The following NEGR1 variants were observed in gnomAD, a reference collection of about 807,000 sequenced individuals.
NEGR1 encodes the protein IgLON family member 4.
Under a neutral mutation model 40.9 loss-of-function variants are expected in NEGR1, and 10 were observed. The observed-to-expected ratio is 0.24, with a 90% CI of 0.15 to 0.42. NEGR1 has a LOEUF of 0.42. NEGR1 is among the 10% of genes least tolerant of loss of function. The probability of loss-of-function intolerance (pLI) is 1.00; values close to 1 mark genes in which losing one functional copy is unlikely to be tolerated. For synonymous variants in NEGR1, 185 were observed against 166.8 expected (o/e 1.11, Z -0.84); for missense variants, 352 against 438.9 (o/e 0.80, Z 1.77).
intron 2 of NEGR1, among the ~76,000 whole-genome samples, chr1:71,783,925 C>A (rs1467818692): frequency 6.6e-6 from 1 of 151,930 alleles, no homozygotes; most frequent in East Asian, 1.9e-4. Flanking sequence ...TTAAGGAGTC[C>A]ATGTCTAAAG....
At chr1:71,898,660 TG>T (rs138401189) in intron 2 of NEGR1, among the ~76,000 whole-genome samples, 13,309 of 140,072 alleles carry the variant, frequency 0.095, 688 homozygotes, top group Non-Finnish European at 0.13. Context: ...AAAACTGCTT[TG>T]TTTTTTTTTC....
At chr1:71,423,219 A>G (rs555699567) in intron 6 of NEGR1, among the ~76,000 whole-genome samples, 8 of 152,182 alleles carry the variant, frequency 5.3e-5, no homozygotes, top group African/African-American at 1.9e-4. Flanking sequence ...GAAAAATCCC[A>G]TCTCTACAAA....
chr1:72,179,263 C>T (rs1464233154), intron 1 of NEGR1, among the ~76,000 whole-genome samples: 1 of 151,866 alleles, frequency 6.6e-6, no homozygotes, highest in African/African-American at 2.4e-5. Flanking sequence ...ATAGGGTGTC[C>T]TTTCCCCATT....
chr1:71,639,946 T>C (rs755759763), intron 4 of NEGR1, among the ~76,000 whole-genome samples: 9 of 152,076 alleles, frequency 5.9e-5, no homozygotes, highest in Non-Finnish European at 8.8e-5. Flanking sequence ...GTTATACTTT[T>C]TGCAAACAAA....
At chr1:71,803,558 C>T (rs1036429868) in intron 2 of NEGR1, among the ~76,000 whole-genome samples, 5 of 152,040 alleles carry the variant, frequency 3.3e-5, no homozygotes, top group Non-Finnish European at 5.9e-5. Context: ...CTGACATTTC[C>T]GTGGCTCAGG....
intron 6 of NEGR1, among the ~76,000 whole-genome samples, chr1:71,563,841 G>C (rs1389714464): frequency 6.6e-6 from 1 of 151,802 alleles, no homozygotes; most frequent in African/African-American, 2.4e-5. Context: ...TGAAAGTTTG[G>C]GGAACTTGTC....
chr1:71,397,161 G>C lies in NEGR1; in HGVS notation c.*10285C>G, dbSNP rs1470355849. On this transcript the variant is annotated 3_prime_UTR_variant, in exon 7 of 7. Transcript: ENST00000357731. Reference sequence around the variant, plus strand: ...GGGAACTGGAGCAAAGGTGACTCTTGTTATGTTTTAGCAAAGAGATGGGTA... The same window carrying C: ...GGGAACTGGAGCAAAGGTGACTCTTCTTATGTTTTAGCAAAGAGATGGGTA... The C allele has an allele frequency of 6.5e-6, 1 of 153,162 alleles. No individual in the cohort carries two copies. Among genetic ancestry groups the C allele is most frequent in the East Asian group, 1.9e-4 (1 of 5,246 alleles). 9.5% of individuals were successfully genotyped at this position (153,162 alleles called of 1,614,324 possible).
chr1:72,002,384 C>A (rs922568004), intron 1 of NEGR1, among the ~76,000 whole-genome samples: 1 of 151,964 alleles, frequency 6.6e-6, no homozygotes, highest in African/African-American at 2.4e-5. Flanking sequence ...TTTTCATTCT[C>A]GCATTGAATT....
chr1:71,722,404 C>T (rs1219374175), intron 3 of NEGR1, among the ~76,000 whole-genome samples: 1 of 151,862 alleles, frequency 6.6e-6, no homozygotes, highest in Non-Finnish European at 1.5e-5. Context: ...AATTACATAG[C>T]ATTAAAGGAT....
chr1:71,852,980 T>C (rs1659654444), intron 2 of NEGR1, among the ~76,000 whole-genome samples: 1 of 152,066 alleles, frequency 6.6e-6, no homozygotes, highest in Non-Finnish European at 1.5e-5. Context: ...TTTCAATGTG[T>C]GGTATAACGA....
At chr1:72,072,299 T>C (rs1383526281) in intron 1 of NEGR1, among the ~76,000 whole-genome samples, 1 of 152,134 alleles carries the variant, frequency 6.6e-6, no homozygotes, top group Non-Finnish European at 1.5e-5. Flanking sequence ...TTGAATATGG[T>C]GAGTACTGGA....
intron 6 of NEGR1, among the ~76,000 whole-genome samples, chr1:71,447,300 T>C (rs1646589468): frequency 2.0e-5 from 3 of 152,148 alleles, no homozygotes; most frequent in Non-Finnish European, 2.9e-5. Flanking sequence ...CCAAAAAAAA[T>C]TGGGGACCCT....
intron 6 of NEGR1, among the ~76,000 whole-genome samples, chr1:71,529,558 G>A (rs1008859143): frequency 3.3e-5 from 5 of 151,114 alleles, no homozygotes; most frequent in African/African-American, 1.2e-4. Flanking sequence ...TAAAATAAAA[G>A]TCCAACATAA....
At chr1:71,725,773 C>G (rs971339631) in intron 3 of NEGR1, among the ~76,000 whole-genome samples, 2 of 152,056 alleles carry the variant, frequency 1.3e-5, no homozygotes, top group African/African-American at 4.8e-5. Flanking sequence ...GTTTGATACA[C>G]ACTTGGATTA....
chr1:72,189,789 T>A (rs1190281790), intron 1 of NEGR1, among the ~76,000 whole-genome samples: 2 of 151,536 alleles, frequency 1.3e-5, no homozygotes, highest in Non-Finnish European at 3.0e-5. Context: ...ATAAGACAAC[T>A]GGTATTATAT....
At chr1:71,622,478 A>C (rs909871854) in intron 4 of NEGR1, among the ~76,000 whole-genome samples, 2 of 151,958 alleles carry the variant, frequency 1.3e-5, no homozygotes, top group African/African-American at 4.8e-5. Flanking sequence ...AATCTTCAAA[A>C]AATGAAGATT....
At chr1:71,925,133 G>A (rs946018807) in intron 2 of NEGR1, among the ~76,000 whole-genome samples, 1 of 152,180 alleles carries the variant, frequency 6.6e-6, no homozygotes, top group Non-Finnish European at 1.5e-5. Context: ...AAGTTGACTT[G>A]AGATCTTTCT....
intron 2 of NEGR1, among the ~76,000 whole-genome samples, chr1:71,932,045 GGCTCCAA>G (rs1305629544): frequency 1.3e-5 from 2 of 151,890 alleles, no homozygotes; most frequent in Non-Finnish European, 2.9e-5. Context: ...TTTAAAGCCA[GGCTCCAA>G]ATTATCACAT....
At chr1:71,996,214 A>T (rs560041899) in intron 1 of NEGR1, among the ~76,000 whole-genome samples, 2 of 152,296 alleles carry the variant, frequency 1.3e-5, no homozygotes, top group East Asian at 3.9e-4. Context: ...CAATTTGCTC[A>T]TACTTTTTAG....
Sources: gnomAD v4.1 joint callset for allele counts (sites outside exome capture counted in the v4.1 genomes callset) on GRCh38, gnomAD v4.1.1 for gene constraint, MANE v1.5 for transcripts, NCBI Gene and HGNC (gene_info 2026-07-23, HGNC 2026-07-21) for gene names.